The following ST7 variants were observed in gnomAD, a reference collection of about 807,000 sequenced individuals.
The protein encoded by ST7 is suppressor of tumorigenicity 7 protein.
A neutral mutation model predicts 78.7 loss-of-function variants in ST7; 28 were observed. The ratio of observed to expected loss-of-function variants is 0.36; its 90% CI spans 0.26 to 0.49. The LOEUF (loss-of-function observed/expected upper bound fraction) is 0.49, where lower values mean the gene tolerates loss of function less well. Ranked by LOEUF, ST7 falls within the 20% of genes least tolerant of loss-of-function variation. The probability of loss-of-function intolerance (pLI) is 0.99; values close to 1 mark genes in which losing one functional copy is unlikely to be tolerated. For missense variants in ST7, 418 were observed against 696.0 expected (o/e 0.60, Z 4.49); for synonymous variants, 247 against 249.6 (o/e 0.99, Z 0.10).
intron 1 of ST7, among the ~76,000 whole-genome samples, chr7:117,051,673 G>C (rs1797798325): frequency 6.6e-6 from 1 of 152,218 alleles, no homozygotes; most frequent in African/African-American, 2.4e-5. Context: ...TGTGTAAGAT[G>C]AGAAGTGATG....
intron 1 of ST7, among the ~76,000 whole-genome samples, chr7:117,045,727 GCCTGGCATTAGGTCAAGA>G (rs1172890824): frequency 1.3e-5 from 2 of 152,210 alleles, no homozygotes; most frequent in Non-Finnish European, 2.9e-5. Context: ...CCCATTGTAT[GCCTGGCATTAGGTCAAGA>G]CCTGGCACGT....
intron 1 of ST7, among the ~76,000 whole-genome samples, chr7:117,001,089 G>C (rs1214188165): frequency 1.3e-5 from 2 of 152,104 alleles, no homozygotes; most frequent in Non-Finnish European, 2.9e-5. Context: ...CATTTGTTTT[G>C]AGCAGCAGCA....
At chr7:117,221,524 C>T (rs1333118348) in intron 14 of ST7, among the ~76,000 whole-genome samples, 2 of 152,078 alleles carry the variant, frequency 1.3e-5, no homozygotes, top group Non-Finnish European at 2.9e-5. Context: ...TCCCTGTATA[C>T]TCGGTTTTGG....
intron 9 of ST7, among the ~76,000 whole-genome samples, chr7:117,169,820 TTTTG>T (rs570615805): frequency 0.088 from 12,954 of 146,922 alleles, 954 homozygotes; most frequent in African/African-American, 0.19. Context: ...TTTTTTTTTT[TTTTG>T]TCCTGAGTAG....
intron 13 of ST7, among the ~76,000 whole-genome samples, chr7:117,215,164 A>G (rs905049191): frequency 3.3e-4 from 51 of 152,278 alleles, no homozygotes; most frequent in African/African-American, 1.2e-3. Context: ...GTTTTTCCCA[A>G]GGCCACACAA....
chr7:117,162,519 A>T (rs2117221512), intron 9 of ST7, among the ~76,000 whole-genome samples: 1 of 147,502 alleles, frequency 6.8e-6, no homozygotes. Flanking sequence ...ATTTGTGGGG[A>T]TATTCACTAC....
chr7:117,227,006 A>C (rs995053465), intron 15 of ST7, among the ~76,000 whole-genome samples: 1 of 152,238 alleles, frequency 6.6e-6, no homozygotes, highest in East Asian at 1.9e-4. Flanking sequence ...ATTTATGGAC[A>C]TCAACCAGGA....
Position 117,112,589 on chromosome 7 carries a change from A to G in ST7, c.235-6972A>G, listed in dbSNP as rs1412032097. 4 of 152,290 alleles carry G rather than the reference A, an allele frequency of 2.6e-5. No homozygotes were observed. The East Asian group carries it at 7.7e-4, about 29-fold the overall frequency. The allele number at this position is 152,290 out of a possible 1,614,324, so 9.4% of individuals were successfully genotyped here. ...CTATGTCTCCTTTCATTCCTTTTTC[A>G]TCCATCTCAAGAAGTTGAACAGCAC... is the stretch of plus-strand genomic sequence containing the variant. On this transcript the variant is annotated intron_variant, in intron 2 of 15. Transcript: ENST00000323984.
intron 1 of ST7, among the ~76,000 whole-genome samples, chr7:117,071,465 C>T (rs1461326992): frequency 6.6e-6 from 1 of 152,172 alleles, no homozygotes; most frequent in Non-Finnish European, 1.5e-5. Flanking sequence ...GAAGGAGTCC[C>T]ATTTGGGAAA....
At chr7:117,148,696 C>T (rs1806005119) in intron 9 of ST7, among the ~76,000 whole-genome samples, 1 of 152,190 alleles carries the variant, frequency 6.6e-6, no homozygotes, top group Admixed American at 6.5e-5. Flanking sequence ...AAGCCTATCA[C>T]TATGTCAATA....
intron 1 of ST7, among the ~76,000 whole-genome samples, chr7:117,018,806 T>C (rs1795740149): frequency 6.6e-6 from 1 of 152,250 alleles, no homozygotes; most frequent in African/African-American, 2.4e-5. Context: ...AAACACTCAG[T>C]AAATATTAGC....
chr7:116,990,061 C>T (rs1398621894), intron 1 of ST7, among the ~76,000 whole-genome samples: 1 of 152,124 alleles, frequency 6.6e-6, no homozygotes, highest in Non-Finnish European at 1.5e-5. Flanking sequence ...CTGCCTCAGC[C>T]TCCTGAGTAG....
intron 9 of ST7, among the ~76,000 whole-genome samples, chr7:117,166,512 A>T (rs1442197733): frequency 6.6e-6 from 1 of 151,982 alleles, no homozygotes; most frequent in Non-Finnish European, 1.5e-5. Context: ...ATTTGTATTA[A>T]CATCTGCTTA....
Position 117,035,424 on chromosome 7 carries a change from T to A in ST7, c.152-64338T>A, listed in dbSNP as rs1370203599. Among the ~76,000 whole-genome samples the A allele has an allele frequency of 5.3e-5, 8 of 152,198 alleles. No homozygotes were observed. The East Asian group carries it at 1.5e-3, about 29-fold the overall frequency. ...AAATGAATGGAAGAAACATTTTCTA[T>A]TTTTAATTTTTTTGAGGGGTGGCAG... On this transcript the variant is annotated intron_variant, in intron 1 of 15. Transcript: ENST00000323984.
At chr7:116,990,567 T>C (rs1794380650) in intron 1 of ST7, among the ~76,000 whole-genome samples, 1 of 152,234 alleles carries the variant, frequency 6.6e-6, no homozygotes, top group Admixed American at 6.5e-5. Context: ...CTTTGTGATA[T>C]AATTTGCAGT....
intron 9 of ST7, among the ~76,000 whole-genome samples, chr7:117,143,589 T>C (rs529974076): frequency 6.6e-6 from 1 of 152,324 alleles, no homozygotes; most frequent in East Asian, 1.9e-4. Context: ...TTTACAAATA[T>C]AACCTCATTT....
At chr7:117,047,677 A>G (rs1453770333) in intron 1 of ST7, among the ~76,000 whole-genome samples, 1 of 152,200 alleles carries the variant, frequency 6.6e-6, no homozygotes, top group Non-Finnish European at 1.5e-5. Context: ...ATTTGAGGCT[A>G]GGTTAGCTAG....
intron 2 of ST7, among the ~76,000 whole-genome samples, chr7:117,108,345 G>T (rs1297367857): frequency 1.3e-5 from 2 of 152,016 alleles, no homozygotes; most frequent in Admixed American, 6.5e-5. Context: ...GTTGAATAGG[G>T]TGTCTTTTCC....
chr7:117,053,995 G>C (rs903310640), intron 1 of ST7, among the ~76,000 whole-genome samples: 1 of 151,996 alleles, frequency 6.6e-6, no homozygotes, highest in Non-Finnish European at 1.5e-5. Context: ...GCTCCACCAG[G>C]CCTGGCTAAT....
Sources: gnomAD v4.1 joint callset for allele counts (sites outside exome capture counted in the v4.1 genomes callset) on GRCh38, gnomAD v4.1.1 for gene constraint, MANE v1.5 for transcripts, NCBI Gene and HGNC (gene_info 2026-07-23, HGNC 2026-07-21) for gene names.